MINDY4: variants seen among roughly 807,000 people sequenced by gnomAD.
The protein encoded by MINDY4 is probable ubiquitin carboxyl-terminal hydrolase MINDY-4.
A neutral mutation model predicts 87.0 loss-of-function variants in MINDY4; 68 were observed. That is an observed-to-expected ratio of 0.78 (90% CI 0.64 to 0.96). MINDY4 has a LOEUF of 0.96. Among genes scored for constraint, MINDY4 ranks in the 40% least tolerant of loss-of-function variants. The pLI is 0.00. For synonymous variants in MINDY4, 379 were observed against 363.2 expected (o/e 1.04, Z -0.50); for missense variants, 919 against 928.2 (o/e 0.99, Z 0.13).
chr7:30,852,321 T>C lies in MINDY4; in HGVS notation c.1611+42T>C, dbSNP rs565489197. The stretch of plus-strand genomic sequence containing the variant: ...AATTATCACGCAAACTTTGGCTTTG[T>C]TTGGGGACTGTCTCCTTTCATATAA... On this transcript the variant is annotated intron_variant, in intron 11 of 17. Coordinates refer to ENST00000265299, the MANE Select transcript of MINDY4 (RefSeq NM_032222.3). 17 of 1,613,678 alleles carry C rather than the reference T, an allele frequency of 1.1e-5. No homozygotes were observed. In the South Asian group the frequency reaches 1.8e-4, roughly 17 times the overall value.
At chr7:30,813,796 G>C (rs1200707635) in intron 5 of MINDY4, among the ~76,000 whole-genome samples, 5 of 152,226 alleles carry the variant, frequency 3.3e-5, no homozygotes, top group African/African-American at 1.2e-4. Context: ...AAGCTAACTT[G>C]GGTTTAAAGC....
chr7:30,782,688 G>A (rs374690367), intron 3 of MINDY4, among the ~76,000 whole-genome samples: 34 of 152,062 alleles, frequency 2.2e-4, no homozygotes, highest in African/African-American at 8.0e-4. Flanking sequence ...GGGAGATGGA[G>A]TGAGACCCTG....
intron 5 of MINDY4, among the ~76,000 whole-genome samples, chr7:30,822,292 A>G (rs1788358386): frequency 6.6e-6 from 1 of 151,684 alleles, no homozygotes; most frequent in African/African-American, 2.4e-5. Context: ...ATCCTCCCAC[A>G]GTCCTGTAGA....
At chr7:30,841,673 A>C (rs1035422034) in intron 9 of MINDY4, among the ~76,000 whole-genome samples, 3 of 152,218 alleles carry the variant, frequency 2.0e-5, no homozygotes, top group African/African-American at 7.2e-5. Flanking sequence ...ACATATACAC[A>C]GTAGTTATAC....
intron 5 of MINDY4, among the ~76,000 whole-genome samples, chr7:30,804,263 C>G (rs1787740482): frequency 6.6e-6 from 1 of 152,188 alleles, no homozygotes; most frequent in Non-Finnish European, 1.5e-5. Flanking sequence ...TTTGTTTTCT[C>G]TACTCATTCC....
intron 17 of MINDY4, among the ~76,000 whole-genome samples, chr7:30,889,552 C>G (rs141640116): frequency 1.3e-5 from 2 of 152,206 alleles, no homozygotes; most frequent in Non-Finnish European, 2.9e-5. Context: ...TCTCCAAATA[C>G]GGCACCAGTG....
At chr7:30,793,953 A>C (rs2128169069) in intron 5 of MINDY4, among the ~76,000 whole-genome samples, 1 of 152,240 alleles carries the variant, frequency 6.6e-6, no homozygotes. Flanking sequence ...TATTATCCCC[A>C]TTTCACAGAT....
intron 10 of MINDY4, 44 bp downstream of exon 10, chr7:30,850,599 T>G (rs748447168): frequency 1.3e-6 from 2 of 1,526,664 alleles, no homozygotes; most frequent in Non-Finnish European, 1.8e-6. Flanking sequence ...CATCGTCTGC[T>G]GGCAGCTGCC....
chr7:30,872,170 G>A (rs1562562126), intron 13 of MINDY4, 73 bp from the exon 14 acceptor site: 5 of 1,388,650 alleles, frequency 3.6e-6, no homozygotes, highest in South Asian at 1.2e-5. Context: ...TAAGGGGAGC[G>A]CCTGGTCACC....
intron 9 of MINDY4, among the ~76,000 whole-genome samples, chr7:30,847,337 G>A (rs1235440315): frequency 6.6e-6 from 1 of 152,224 alleles, no homozygotes; most frequent in Non-Finnish European, 1.5e-5. Flanking sequence ...GAGACATGGT[G>A]GTTCAAAGGG....
chr7:30,802,890 T>C (rs1336668478), intron 5 of MINDY4, among the ~76,000 whole-genome samples: 1 of 150,714 alleles, frequency 6.6e-6, no homozygotes, highest in Non-Finnish European at 1.5e-5. Context: ...CAACCATCCA[T>C]TCATCCAACA....
intron 2 of MINDY4, among the ~76,000 whole-genome samples, chr7:30,779,327 G>A (rs187983728): frequency 2.3e-4 from 35 of 152,144 alleles, no homozygotes; most frequent in African/African-American, 7.5e-4. Context: ...ATATATTTGT[G>A]GAATAAATGA....
intron 1 of MINDY4, among the ~76,000 whole-genome samples, chr7:30,773,997 C>T (rs1444404614): frequency 6.6e-6 from 1 of 152,214 alleles, no homozygotes; most frequent in Non-Finnish European, 1.5e-5. Context: ...TCCTGCTCTA[C>T]ACTTGCGCCC....
chr7:30,835,447 T>G (rs921305125), intron 6 of MINDY4, among the ~76,000 whole-genome samples: 2 of 152,180 alleles, frequency 1.3e-5, no homozygotes, highest in Non-Finnish European at 2.9e-5. Flanking sequence ...AAATGAAATT[T>G]GGGTGGGGAC....
At position 30,891,948 on chromosome 7, in the gene MINDY4, T is replaced by TAC; in HGVS notation, c.2226-8_2226-7dup. ...TCTCTCTTTGTCTCTCTCCTCACTC[T>TAC]ACGCTTAGGTGGAAGGGGGCATCAG... On this transcript the variant is annotated splice_polypyrimidine_tract_variant and intron_variant, in intron 17 of 17. Coordinates refer to ENST00000265299, the MANE Select transcript of MINDY4 (RefSeq NM_032222.3). The TAC allele has an allele frequency of 6.2e-7, 1 of 1,614,054 alleles. No individual in the cohort carries two copies. Among genetic ancestry groups the TAC allele is most frequent in the Non-Finnish European group, 8.5e-7 (1 of 1,179,918 alleles).
In MINDY4 at chr7:30,820,063, G is replaced by A. The variant is rs573821447; in HGVS notation, c.1074-8616G>A. On this transcript the variant is annotated intron_variant, in intron 5 of 17. Transcript: ENST00000265299. The stretch of plus-strand genomic sequence containing the variant: ...ACTACAGGCGCCCGCCACTACGCCC[G>A]GCTAATTTTTTGTATTTTTAGTAGA... 1.5e-3 allele frequency among the ~76,000 whole-genome samples: 228 copies of A among 150,732 alleles called. No individual in the cohort carries two copies. In the Middle Eastern group the frequency reaches 0.031, roughly 20 times the overall value.
intron 12 of MINDY4, among the ~76,000 whole-genome samples, chr7:30,857,044 A>G (rs1789594012): frequency 6.6e-6 from 1 of 152,200 alleles, no homozygotes; most frequent in African/African-American, 2.4e-5. Flanking sequence ...CAGAATGAAG[A>G]CGAGGTTGAT....
chr7:30,829,564 G>A (rs1288418490), intron 6 of MINDY4, among the ~76,000 whole-genome samples: 2 of 152,214 alleles, frequency 1.3e-5, no homozygotes, highest in African/African-American at 4.8e-5. Flanking sequence ...ACTCTCTTGT[G>A]TGAGAGGTGT....
chr7:30,845,423 A>T (rs535997183), intron 9 of MINDY4, among the ~76,000 whole-genome samples: 2 of 150,130 alleles, frequency 1.3e-5, no homozygotes, highest in South Asian at 4.2e-4. Context: ...TGTGTTATTG[A>T]TGTTCCTTCA....
Sources: gnomAD v4.1 joint callset for allele counts (sites outside exome capture counted in the v4.1 genomes callset) on GRCh38, gnomAD v4.1.1 for gene constraint, MANE v1.5 for transcripts, NCBI Gene and HGNC (gene_info 2026-07-23, HGNC 2026-07-21) for gene names.